Variants in FAM184B observed in about 807,000 individuals in gnomAD.
FAM184B encodes family with sequence similarity 184 member B, also known as protein FAM184B.
Under a neutral mutation model 135.9 loss-of-function variants are expected in FAM184B, and 111 were observed. The ratio of observed to expected loss-of-function variants is 0.82; its 90% confidence interval spans 0.70 to 0.96. The LOEUF (loss-of-function observed/expected upper bound fraction) is 0.96, where lower values mean the gene tolerates loss of function less well. Among genes scored for constraint, FAM184B ranks in the 40% least tolerant of loss-of-function variants. The pLI is 0.00. For missense variants in FAM184B, 1,375 were observed against 1,323.9 expected (o/e 1.04, Z -0.60); for synonymous variants, 552 against 524.8 (o/e 1.05, Z -0.71).
intron 1 of FAM184B, among the ~76,000 whole-genome samples, chr4:17,759,974 T>C (rs1363545657): frequency 6.6e-6 from 1 of 152,208 alleles, no homozygotes; most frequent in Non-Finnish European, 1.5e-5. Context: ...AAGCAGACTG[T>C]GGCAGCCGCT....
intron 2 of FAM184B, among the ~76,000 whole-genome samples, 185 bp downstream of exon 2, chr4:17,708,707 A>G (rs1372805681): frequency 1.8e-5 from 1 of 54,966 alleles, no homozygotes; most frequent in Non-Finnish European, 3.3e-5. Flanking sequence ...ATATATATAT[A>G]TAGTGTCTGT....
chr4:17,664,686 A>G (rs1001428988), intron 7 of FAM184B, 27 bp from the exon 8 acceptor site: 10 of 1,510,104 alleles, frequency 6.6e-6, no homozygotes, highest in African/African-American at 2.8e-5. Context: ...AAAAGAAAAA[A>G]AAAAAAAAGG....
At chr4:17,780,932 G>A (rs1005946190) in intron 1 of FAM184B, among the ~76,000 whole-genome samples, 1 of 152,170 alleles carries the variant, frequency 6.6e-6, no homozygotes, top group African/African-American at 2.4e-5. Flanking sequence ...CCAGCCAGCA[G>A]GCTGTGGGAG....
At chr4:17,712,584 T>C (rs1473370599) in intron 1 of FAM184B, among the ~76,000 whole-genome samples, 1 of 152,188 alleles carries the variant, frequency 6.6e-6, no homozygotes, top group Non-Finnish European at 1.5e-5. Flanking sequence ...CTATTACTGA[T>C]TCACCCATGG....
At chr4:17,658,935 T>A (rs2108941406) in intron 9 of FAM184B, among the ~76,000 whole-genome samples, 1 of 151,852 alleles carries the variant, frequency 6.6e-6, no homozygotes, top group African/African-American at 2.4e-5. Flanking sequence ...CAACTCCACA[T>A]CCCCCATCAC....
In FAM184B at chr4:17,747,715, A is replaced by G. The variant is rs550298345; in HGVS notation, c.141+33444T>C. On this transcript the variant is annotated intron_variant, in intron 1 of 17. Coordinates refer to ENST00000265018, the MANE Select transcript of FAM184B (RefSeq NM_015688.2). ...GGCGGGCGGATCATGAGGTCAGGAG[A>G]TCGAGACCATCCTGGCTAACACGAT... 2.6e-5 allele frequency among the ~76,000 whole-genome samples: 4 copies of G among 151,838 alleles called. No individual in the cohort carries two copies. In the South Asian group the frequency reaches 8.3e-4, roughly 32 times the overall value.
At chr4:17,707,805 C>T in intron 2 of FAM184B, 21 bp from the exon 3 acceptor site, 1 of 1,551,708 alleles carries the variant, frequency 6.4e-7, no homozygotes, top group Non-Finnish European at 8.7e-7. Context: ...AGGAAGGGTC[C>T]CATTTCTCTG....
chr4:17,704,735 C>T (rs1717067005), intron 5 of FAM184B, among the ~76,000 whole-genome samples: 1 of 152,184 alleles, frequency 6.6e-6, no homozygotes. Flanking sequence ...CACAATTCCA[C>T]CCCATGTCAA....
chr4:17,642,079 C>T lies in FAM184B; in HGVS notation c.2496G>A (p.Ala832=), dbSNP rs780185390. The change falls in exon 13 of 18, where the codon GCG becomes GCA. Residue 832 remains alanine (A), a synonymous_variant. Transcript: ENST00000265018. ...RAEVEQHQQE[A]QKLRDQRRFL... Reference sequence around the variant, plus strand: ...ACCTGCGCTGGTCTCGGAGCTTCTGCGCCTCCTGCTGATGCTGCTCCACCT... The same window carrying T: ...ACCTGCGCTGGTCTCGGAGCTTCTGTGCCTCCTGCTGATGCTGCTCCACCT... The T allele has an allele frequency of 1.1e-4, 169 of 1,531,564 alleles. 8 individuals carry two copies. In the South Asian group the frequency reaches 1.9e-3, roughly 18 times the overall value. 94.9% of individuals were successfully genotyped at this position (1,531,564 alleles called of 1,614,324 possible).
At chr4:17,682,995 C>A (rs1716483627) in intron 7 of FAM184B, among the ~76,000 whole-genome samples, 1 of 152,214 alleles carries the variant, frequency 6.6e-6, no homozygotes, top group Admixed American at 6.5e-5. Context: ...GTTCAAGCCC[C>A]TGCCTAGGCC....
intron 1 of FAM184B, among the ~76,000 whole-genome samples, chr4:17,749,394 C>A (rs1449424413): frequency 6.6e-6 from 1 of 151,778 alleles, no homozygotes; most frequent in Non-Finnish European, 1.5e-5. Flanking sequence ...CCAGCCAGGG[C>A]AGCCTAGTGA....
chr4:17,774,290 C>A (rs1182608941), intron 1 of FAM184B, among the ~76,000 whole-genome samples: 1 of 152,136 alleles, frequency 6.6e-6, no homozygotes, highest in African/African-American at 2.4e-5. Context: ...ATGGTTTGAG[C>A]CCAGGAGGCA....
rs558950838 is a variant in FAM184B at position 17,630,835 on chromosome 4, C to T, written c.*1697G>A. 6.6e-6 allele frequency: 1 copy of T among 151,256 alleles called. No homozygotes were observed. The highest frequency in any genetic ancestry group is 1.9e-4 in the East Asian group (1 of 5,134). 9.4% of individuals were successfully genotyped at this position (151,256 alleles called of 1,614,324 possible). A position where few individuals can be genotyped will look rare whatever the true frequency, so the allele number is the denominator to read the frequency against. ...TTAATGTGAACTGAACTTTCTATTT[C>T]TAAGCTGTCTTCATCTAATTTTACC... On this transcript the variant is annotated 3_prime_UTR_variant, in exon 18 of 18. Coordinates refer to ENST00000265018, the MANE Select transcript of FAM184B (RefSeq NM_015688.2).
At chr4:17,765,748 A>G (rs1221067276) in intron 1 of FAM184B, among the ~76,000 whole-genome samples, 13 of 152,302 alleles carry the variant, frequency 8.5e-5, no homozygotes. Context: ...CACTGACTTG[A>G]AGAATAAAGC....
At chr4:17,650,809 A>G (rs1715594574) in intron 11 of FAM184B, among the ~76,000 whole-genome samples, 1 of 152,196 alleles carries the variant, frequency 6.6e-6, no homozygotes, top group Non-Finnish European at 1.5e-5. Context: ...ACGCTTTCTA[A>G]TGAGAACTCA....
At chr4:17,636,708 C>G in intron 14 of FAM184B, 63 bp from the exon 15 acceptor site, 3 of 1,295,274 alleles carry the variant, frequency 2.3e-6, no homozygotes, top group Non-Finnish European at 3.2e-6. Flanking sequence ...AGAGGGAGAA[C>G]AAGTGCACAC....
chr4:17,704,826 C>T (rs1717069891), intron 5 of FAM184B, among the ~76,000 whole-genome samples, 174 bp downstream of exon 5: 1 of 152,136 alleles, frequency 6.6e-6, no homozygotes, highest in African/African-American at 2.4e-5. Flanking sequence ...AGGAGCTGTG[C>T]TATCTATCAT....
chr4:17,779,560 G>T (rs1413065855), intron 1 of FAM184B, among the ~76,000 whole-genome samples: 1 of 152,148 alleles, frequency 6.6e-6, no homozygotes, highest in Admixed American at 6.5e-5. Flanking sequence ...ATATTGAAAT[G>T]ATCTGTTTAT....
chr4:17,731,942 A>T (rs1434730395), intron 1 of FAM184B, among the ~76,000 whole-genome samples: 1 of 152,012 alleles, frequency 6.6e-6, no homozygotes, highest in Non-Finnish European at 1.5e-5. Context: ...GAAGTAAAGC[A>T]CTCCTCAGCA....
Sources: allele counts gnomAD v4.1 joint callset (sites outside exome capture counted in the v4.1 genomes callset), GRCh38; gene constraint gnomAD v4.1.1; transcripts MANE v1.5; gene names NCBI Gene and HGNC (gene_info 2026-07-23, HGNC 2026-07-21).